Variants in SUPT3H observed in about 807,000 individuals in gnomAD.
The protein encoded by SUPT3H is transcription initiation protein SPT3 homolog.
Under a neutral mutation model 44.3 loss-of-function variants are expected in SUPT3H, and 44 were observed. The observed-to-expected ratio is 0.99, with a 90% CI of 0.78 to 1.28. The LOEUF is 1.28. Ranked by LOEUF, SUPT3H falls within the 50% of genes most tolerant of loss-of-function variation. SUPT3H has a pLI of 0.00. For synonymous variants in SUPT3H, 124 were observed against 125.6 expected, an observed-to-expected ratio of 0.99 and a Z score of 0.09; for missense variants, 380 against 387.1, an observed-to-expected ratio of 0.98 and a Z score of 0.15.
chr6:45,017,172 G>A (rs1421972789), intron 4 of SUPT3H, among the ~76,000 whole-genome samples: 4 of 150,266 alleles, frequency 2.7e-5, no homozygotes, highest in Admixed American at 1.3e-4. Flanking sequence ...CATATCCTTT[G>A]CCCACTTTTT....
intron 4 of SUPT3H, among the ~76,000 whole-genome samples, chr6:45,016,413 GTA>G (rs1316497225): frequency 6.6e-6 from 1 of 151,150 alleles, no homozygotes; most frequent in Non-Finnish European, 1.5e-5. Context: ...AGTTACATAT[GTA>G]TACATGTGCC....
At chr6:44,895,308 G>A (rs1763968192) in intron 10 of SUPT3H, among the ~76,000 whole-genome samples, 2 of 144,666 alleles carry the variant, frequency 1.4e-5, no homozygotes, top group South Asian at 2.2e-4. Context: ...TGCCCAGGCT[G>A]GTCTCGAACT....
chr6:44,923,912 C>T (rs1406931304), intron 10 of SUPT3H, among the ~76,000 whole-genome samples: 27 of 151,872 alleles, frequency 1.8e-4, no homozygotes, highest in Admixed American at 1.6e-3. Context: ...CTTACAATAG[C>T]GGAAAATGAA....
chr6:45,183,770 C>T (rs187140509), intron 2 of SUPT3H, among the ~76,000 whole-genome samples: 1 of 152,210 alleles, frequency 6.6e-6, no homozygotes, highest in Admixed American at 6.5e-5. Flanking sequence ...TATTAAGCCA[C>T]AAAGACACAG....
intron 2 of SUPT3H, among the ~76,000 whole-genome samples, chr6:45,244,127 T>C (rs1584464969): frequency 6.6e-6 from 1 of 152,170 alleles, no homozygotes; most frequent in Non-Finnish European, 1.5e-5. Flanking sequence ...CAAGTGATCC[T>C]TGGCCTCCCA....
chr6:45,152,618 A>G (rs895401474), intron 2 of SUPT3H, among the ~76,000 whole-genome samples: 6 of 152,018 alleles, frequency 3.9e-5, no homozygotes, highest in Non-Finnish European at 2.9e-5. Flanking sequence ...CAGCCTCCCG[A>G]GTAACTAGAC....
chr6:45,078,166 T>C (rs9381363), intron 3 of SUPT3H, among the ~76,000 whole-genome samples: 149,222 of 152,320 alleles, frequency 0.98, 73,105 homozygotes, highest in Middle Eastern at 1. Flanking sequence ...AGCCACCATG[T>C]CCAGTCCTCC....
intron 6 of SUPT3H, among the ~76,000 whole-genome samples, chr6:44,994,090 A>C (rs1350864203): frequency 6.6e-6 from 1 of 152,164 alleles, no homozygotes; most frequent in African/African-American, 2.4e-5. Context: ...TATAGTAATA[A>C]TTAGAATAGT....
chr6:45,351,415 A>C (rs1792025444), intron 2 of SUPT3H, among the ~76,000 whole-genome samples: 1 of 152,188 alleles, frequency 6.6e-6, no homozygotes, highest in Non-Finnish European at 1.5e-5. Context: ...CAGGGAGCTT[A>C]TGGTGAGGAA....
intron 10 of SUPT3H, among the ~76,000 whole-genome samples, chr6:44,883,112 G>A (rs1253225499): frequency 6.6e-6 from 1 of 152,172 alleles, no homozygotes; most frequent in African/African-American, 2.4e-5. Context: ...GTTTGCAGGT[G>A]ACATGATTGT....
At chr6:45,169,402 G>A (rs2153605358) in intron 2 of SUPT3H, among the ~76,000 whole-genome samples, 1 of 151,990 alleles carries the variant, frequency 6.6e-6, no homozygotes, top group East Asian at 1.9e-4. Context: ...TTGTAAAAAA[G>A]GCTCCCAGAC....
intron 2 of SUPT3H, among the ~76,000 whole-genome samples, chr6:45,332,934 T>C (rs115819060): frequency 0.017 from 2,651 of 151,784 alleles, 49 homozygotes; most frequent in South Asian, 0.085. Context: ...CAATGAACGC[T>C]GCAACTTCCA....
intron 3 of SUPT3H, among the ~76,000 whole-genome samples, chr6:45,035,919 G>GA: frequency 6.6e-6 from 1 of 151,870 alleles, no homozygotes; most frequent in South Asian, 2.1e-4. Flanking sequence ...AAAAAGAGGT[G>GA]AAAAAACTAT....
At chr6:44,970,819 T>C (rs1022532838) in intron 6 of SUPT3H, among the ~76,000 whole-genome samples, 14 of 152,334 alleles carry the variant, frequency 9.2e-5, no homozygotes, top group African/African-American at 3.4e-4. Context: ...CATTAATTCA[T>C]AAAATTTAGT....
At chr6:45,206,341 G>A (rs1449011697) in intron 2 of SUPT3H, among the ~76,000 whole-genome samples, 3 of 152,104 alleles carry the variant, frequency 2.0e-5, no homozygotes, top group African/African-American at 4.8e-5. Context: ...CTTCAATGAT[G>A]AGGAGACCTT....
At chr6:44,922,054 G>A (rs1278142381) in intron 10 of SUPT3H, among the ~76,000 whole-genome samples, 1 of 152,234 alleles carries the variant, frequency 6.6e-6, no homozygotes, top group Non-Finnish European at 1.5e-5. Flanking sequence ...CTAATCAGGT[G>A]GGAGAACCTA....
At chr6:45,061,876 T>A (rs868351950) in intron 3 of SUPT3H, among the ~76,000 whole-genome samples, 1 of 147,780 alleles carries the variant, frequency 6.8e-6, no homozygotes, top group African/African-American at 2.5e-5. Context: ...GTACAGCCAG[T>A]TTTTTATCCA....
At chr6:45,312,383 C>A (rs561699903) in intron 2 of SUPT3H, among the ~76,000 whole-genome samples, 1 of 151,698 alleles carries the variant, frequency 6.6e-6, no homozygotes, top group Non-Finnish European at 1.5e-5. Context: ...GGCATGGTGG[C>A]GGGTGCCTGT....
intron 2 of SUPT3H, among the ~76,000 whole-genome samples, chr6:45,255,476 C>T (rs1224849479): frequency 7.3e-6 from 1 of 137,204 alleles, no homozygotes; most frequent in Non-Finnish European, 1.5e-5. Context: ...GGCTGGAATG[C>T]GGTGGCAAAA....
Sources: gnomAD v4.1 joint callset for allele counts (sites outside exome capture counted in the v4.1 genomes callset) on GRCh38, gnomAD v4.1.1 for gene constraint, MANE v1.5 for transcripts, NCBI Gene and HGNC (gene_info 2026-07-23, HGNC 2026-07-21) for gene names.